The following IBTK variants were observed in gnomAD, a reference collection of about 807,000 sequenced individuals.
IBTK encodes the protein inhibitor of Bruton tyrosine kinase.
In IBTK, 83 loss-of-function variants were observed where a neutral mutation model predicts 154.9. That is an observed-to-expected ratio of 0.54 (90% CI 0.45 to 0.64). IBTK has a LOEUF of 0.64. Among genes scored for constraint, IBTK ranks in the 30% least tolerant of loss-of-function variants. The probability of loss-of-function intolerance (pLI) is 0.00; values close to 1 mark genes in which losing one functional copy is unlikely to be tolerated. For missense variants in IBTK, 1,332 were observed against 1,584.6 expected (o/e 0.84, Z 2.71); for synonymous variants, 515 against 536.1 (o/e 0.96, Z 0.54).
chr6:82,190,970 A>C, intron 25 of IBTK, 103 bp downstream of exon 25: 1 of 804,818 alleles, frequency 1.2e-6, no homozygotes, highest in Non-Finnish European at 1.8e-6. Flanking sequence ...ATACTTGAAA[A>C]GACTTTAGAA....
At chr6:82,200,507 C>T in intron 20 of IBTK, 80 bp downstream of exon 20, 2 of 1,245,458 alleles carry the variant, frequency 1.6e-6, no homozygotes, top group South Asian at 1.6e-5. Context: ...GTCATATGTC[C>T]AAGATGAGAG....
intron 12 of IBTK, among the ~76,000 whole-genome samples, chr6:82,213,546 T>G (rs1769734867): frequency 6.6e-6 from 1 of 152,168 alleles, no homozygotes; most frequent in African/African-American, 2.4e-5. Context: ...ATTTCTTATA[T>G]TGAGAAACTG....
At chr6:82,225,082 C>T (rs1582241223) in intron 6 of IBTK, among the ~76,000 whole-genome samples, 1 of 151,626 alleles carries the variant, frequency 6.6e-6, no homozygotes, top group Non-Finnish European at 1.5e-5. Flanking sequence ...GGCAGATCAC[C>T]TGAGGTCAGG....
intron 18 of IBTK, 60 bp from the exon 19 acceptor site, chr6:82,201,542 T>A (rs1398669482): frequency 4.3e-6 from 5 of 1,151,214 alleles, no homozygotes; most frequent in Middle Eastern, 2.0e-4. Flanking sequence ...ACTGTCAAGT[T>A]GCTTACATAC....
At chr6:82,237,940 CA>C (rs933063769) in intron 2 of IBTK, among the ~76,000 whole-genome samples, 4 of 151,474 alleles carry the variant, frequency 2.6e-5, no homozygotes, top group Non-Finnish European at 4.4e-5. Context: ...AATCCCTATA[CA>C]AAAAAAATTG....
rs529316128 is a variant in IBTK, at chr6:82,196,866, T to G, written c.3026-420A>C. On this transcript the variant is annotated intron_variant, in intron 21 of 28. Coordinates refer to ENST00000306270, the MANE Select transcript of IBTK (RefSeq NM_015525.4). ...TCCGCACCCAAGCAAGGGGGTAGCTTCATTCTATGTGGGAGGAACCCTGTG... is the reference window on the plus strand; with the variant it reads ...TCCGCACCCAAGCAAGGGGGTAGCTGCATTCTATGTGGGAGGAACCCTGTG... Among the ~76,000 whole-genome samples the G allele has an allele frequency of 4.6e-5, 7 of 152,302 alleles. No homozygotes were observed. The East Asian group carries it at 1.2e-3, about 25-fold the overall frequency.
At chr6:82,215,490 A>T (rs950651062) in intron 11 of IBTK, among the ~76,000 whole-genome samples, 1 of 152,166 alleles carries the variant, frequency 6.6e-6, no homozygotes, top group Non-Finnish European at 1.5e-5. Context: ...ATCATACAGT[A>T]TGAAAGACAA....
At chr6:82,200,530 C>A (rs4706938) in intron 20 of IBTK, 57 bp downstream of exon 20, 1 of 1,379,730 alleles carries the variant, frequency 7.2e-7, no homozygotes. Context: ...AAGGGACACA[C>A]TGGAGAAAAG....
At chr6:82,209,126 T>C (rs1222697075) in intron 16 of IBTK, among the ~76,000 whole-genome samples, 2 of 152,174 alleles carry the variant, frequency 1.3e-5, no homozygotes. Context: ...ACCCTCACAC[T>C]GTTAGTGGTT....
intron 23 of IBTK, among the ~76,000 whole-genome samples, chr6:82,193,589 T>A (rs774648842): frequency 6.6e-5 from 10 of 152,238 alleles, no homozygotes; most frequent in Admixed American, 6.5e-4. Flanking sequence ...TTAGACTTTA[T>A]CAACCATTGT....
At chr6:82,219,224 A>C (rs1445915650) in intron 9 of IBTK, among the ~76,000 whole-genome samples, 1 of 151,918 alleles carries the variant, frequency 6.6e-6, no homozygotes, top group Non-Finnish European at 1.5e-5. Flanking sequence ...GCATCACATC[A>C]CCCAAGTATT....
In IBTK at chr6:82,216,188, C is replaced by T. The variant is rs778329062; in HGVS notation, c.1489G>A (p.Val497Met). 4.3e-6 allele frequency: 7 copies of T among 1,611,634 alleles called. No individual in the cohort carries two copies. The East Asian group carries it at 1.3e-4, about 31-fold the overall frequency. ...DVSYVSDINSVYERIRLEKLT... is the reference protein window; with the variant it reads ...DVSYVSDINSMYERIRLEKLT... ...TTCTCAAGTCGAATTCTTTCATACACACTATTTATATCAGAGACATAAGAC... is the reference window on the plus strand; with the variant it reads ...TTCTCAAGTCGAATTCTTTCATACATACTATTTATATCAGAGACATAAGAC... The change falls in exon 11 of 29, where the codon GTG becomes ATG. Residue 497 changes from valine to methionine, a missense_variant. Val to Met is a conservative substitution (Grantham distance 21). This residue lies in a region of IBTK where 1,134 missense variants were observed against 1,274.7 expected (regional missense o/e 0.89). Transcript: ENST00000306270.
chr6:82,212,711 T>A lies in IBTK; in HGVS notation c.2287A>T (p.Lys763Ter). ...TGNKLKLSQK[K>*]CSFLCDVTMK... The stretch of plus-strand genomic sequence containing the variant: ...AATCTTCCTTTCCTTACTTACCATT[T>A]TTTCTGACTTAGCTTCAGTTTATTA... Residue 763 changes from lysine (K) to a stop codon, truncating the protein, a stop_gained, in exon 13 of 29, where the codon AAA (lysine) becomes TAA (stop). Coordinates refer to ENST00000306270, the MANE Select transcript of IBTK (RefSeq NM_015525.4). LOFTEE classifies it high-confidence loss of function. The A allele has an allele frequency of 6.3e-7, 1 of 1,579,304 alleles. No homozygotes were observed. The highest frequency in any genetic ancestry group is 8.7e-7 in the Non-Finnish European group (1 of 1,148,716).
Position 82,194,621 on chromosome 6 carries a change from T to C in IBTK, c.3196A>G (p.Asn1066Asp), listed in dbSNP as rs1368773828. ...KIEAKVKPYV[N>D]GTSPVYSRED... ...CTAGAATACACAGGAGATGTACCAT[T>C]AACATACGGTTTGACTTTCGCCTGG... Residue 1066 changes from asparagine (N) to aspartate (D), a missense_variant, in exon 23 of 29, where the codon AAT (asparagine) becomes GAT (aspartate). Around this residue, in one of 3 missense-constraint regions of IBTK, gnomAD observed 1,134 missense variants for 1,274.7 expected, o/e 0.89. Transcript: ENST00000306270. 6.3e-7 allele frequency: 1 copy of C among 1,588,286 alleles called. No individual in the cohort carries two copies. Among genetic ancestry groups the C allele is most frequent in the Non-Finnish European group, 8.6e-7 (1 of 1,169,234 alleles).
intron 1 of IBTK, among the ~76,000 whole-genome samples, chr6:82,243,232 C>CT (rs1044856646): frequency 2.8e-5 from 4 of 142,092 alleles, no homozygotes; most frequent in Non-Finnish European, 3.0e-5. Flanking sequence ...CAGAGAGACT[C>CT]TGTCTCAAAA....
intron 16 of IBTK, chr6:82,205,659 G>C (rs1769379743): frequency 6.6e-6 from 1 of 152,306 alleles, no homozygotes; most frequent in South Asian, 2.1e-4. Flanking sequence ...CCAGTTACCG[G>C]GGAGGCTGAG....
intron 2 of IBTK, among the ~76,000 whole-genome samples, chr6:82,234,663 T>C (rs1770649801): frequency 1.3e-5 from 2 of 151,938 alleles, no homozygotes; most frequent in African/African-American, 2.4e-5. Flanking sequence ...TATCAAAAAG[T>C]CAGATAATCA....
chr6:82,174,235 CA>C (rs1289582928), intron 26 of IBTK, among the ~76,000 whole-genome samples: 1 of 152,078 alleles, frequency 6.6e-6, no homozygotes, highest in Non-Finnish European at 1.5e-5. Context: ...CATTTATACA[CA>C]TTTATTGAGC....
At position 82,172,389 on chromosome 6, in the gene IBTK, A is replaced by T; in HGVS notation, c.3921T>A (p.Ala1307=). 6.2e-7 allele frequency: 1 copy of T among 1,613,582 alleles called. No individual in the cohort carries two copies. The highest frequency in any genetic ancestry group is 2.2e-5 in the East Asian group (1 of 44,856). The change falls in exon 28 of 29, where the codon GCT becomes GCA. Residue 1307 remains alanine, a synonymous_variant. Coordinates refer to ENST00000306270, the MANE Select transcript of IBTK (RefSeq NM_015525.4). ...ALIRSREKPL[A]LIQIEEHAIQ... is the part of the protein sequence containing the mutation. Reference sequence around the variant, plus strand: ...TAAGTATGTTATTTACCTGAATCAGAGCCAACGGTTTTTCTCGACTTCTAA... The same window carrying T: ...TAAGTATGTTATTTACCTGAATCAGTGCCAACGGTTTTTCTCGACTTCTAA...
Sources: gnomAD v4.1 joint callset for allele counts (sites outside exome capture counted in the v4.1 genomes callset) on GRCh38, gnomAD v4.1.1 for gene constraint, gnomAD v4.1.1 regional missense constraint, MANE v1.5 for transcripts, NCBI Gene and HGNC (gene_info 2026-07-23, HGNC 2026-07-21) for gene names.